The following VMP1 variants were observed in gnomAD, a reference collection of about 807,000 sequenced individuals.
VMP1 encodes the protein vacuole membrane protein 1.
A neutral mutation model predicts 56.0 loss-of-function variants in VMP1; 11 were observed. The ratio of observed to expected loss-of-function variants is 0.20; its 90% CI spans 0.12 to 0.32. The LOEUF is 0.32. Ranked by LOEUF, VMP1 falls within the 10% of genes least tolerant of loss-of-function variation. The pLI is 1.00. For synonymous variants in VMP1, 149 were observed against 165.0 expected, an observed-to-expected ratio of 0.90 and a Z score of 0.74; for missense variants, 296 against 490.3, an observed-to-expected ratio of 0.60 and a Z score of 3.74.
intron 10 of VMP1, among the ~76,000 whole-genome samples, chr17:59,823,466 C>T (rs542548718): frequency 2.8e-5 from 4 of 140,914 alleles, no homozygotes; most frequent in South Asian, 2.3e-4. Context: ...AAAAAAAAAT[C>T]GGGCCGGGGG....
In VMP1 at chr17:59,808,776, C is replaced by G. The variant is rs1568186737; in HGVS notation, c.715-20C>G. 1 of 1,604,116 alleles carries G rather than the reference C, an allele frequency of 6.2e-7. No individual in the cohort carries two copies. The highest frequency in any genetic ancestry group is 1.1e-5 in the South Asian group (1 of 90,458). ...CTTTTCCTACTTCTCATTAATGTTT[C>G]TAAATTTGCCTTTTTACAGGACTTT... On this transcript the variant is annotated intron_variant, in intron 7 of 11. Transcript: ENST00000262291.
chr17:59,720,943 AG>A (rs2034369057), intron 1 of VMP1, among the ~76,000 whole-genome samples: 1 of 152,154 alleles, frequency 6.6e-6, no homozygotes, highest in African/African-American at 2.4e-5. Flanking sequence ...ATTGCACTCA[AG>A]CCTGGGCAAC....
intron 9 of VMP1, among the ~76,000 whole-genome samples, chr17:59,815,681 G>A (rs532276241): frequency 8.4e-5 from 11 of 131,168 alleles, no homozygotes; most frequent in East Asian, 2.3e-4. Context: ...GTGAAACCCC[G>A]TCTCTACTAA....
rs1373201041 is a variant in VMP1 at position 59,840,476 on chromosome 17, C to T, written c.*565C>T. 1.3e-5 allele frequency: 2 copies of T among 152,802 alleles called. No homozygotes were observed. The highest frequency in any genetic ancestry group is 1.3e-4 in the Admixed American group (2 of 15,262). The allele number at this position is 152,802 out of a possible 1,614,324, so 9.5% of individuals were successfully genotyped here. The stretch of plus-strand genomic sequence containing the variant: ...GGAAATTGATCTTTAAATTTTGAGA[C>T]AGTATAAGGAAAATCTGGTTGGTGT... On this transcript the variant is annotated 3_prime_UTR_variant, in exon 12 of 12. Coordinates refer to ENST00000262291, the MANE Select transcript of VMP1 (RefSeq NM_030938.5).
At chr17:59,732,364 TC>T (rs1037586040) in intron 2 of VMP1, among the ~76,000 whole-genome samples, 2 of 152,180 alleles carry the variant, frequency 1.3e-5, no homozygotes, top group Non-Finnish European at 2.9e-5. Flanking sequence ...TGCCTCAGCC[TC>T]CCGAGTAGCT....
chr17:59,732,210 G>A (rs1469433062), intron 2 of VMP1, among the ~76,000 whole-genome samples: 1 of 152,074 alleles, frequency 6.6e-6, no homozygotes, highest in East Asian at 1.9e-4. Flanking sequence ...TTTAGAGGAA[G>A]TGCAAGGAAT....
chr17:59,773,082 C>T (rs976845037), intron 6 of VMP1, among the ~76,000 whole-genome samples: 1 of 150,292 alleles, frequency 6.7e-6, no homozygotes, highest in Non-Finnish European at 1.5e-5. Context: ...CTGCCTCAGC[C>T]TCCAGAGTAT....
Position 59,722,169 on chromosome 17 carries a change from G to C in VMP1, c.-26-9252G>C, listed in dbSNP as rs138193554. Among the ~76,000 whole-genome samples, 706 of 152,164 alleles carry C rather than the reference G, an allele frequency of 4.6e-3. 9 individuals carry two copies. Among genetic ancestry groups the C allele is most frequent in the African/African-American group, 0.016 (680 of 41,498 alleles). On this transcript the variant is annotated intron_variant, in intron 1 of 11. Coordinates refer to ENST00000262291, the MANE Select transcript of VMP1 (RefSeq NM_030938.5). ...GTTAGGACTTCACCATATGAATTTG[G>C]GGGGGCACAATTCAGCCCATTACAA... is the stretch of plus-strand genomic sequence containing the variant.
At chr17:59,824,571 TAAA>T (rs35033232) in intron 10 of VMP1, among the ~76,000 whole-genome samples, 3 of 95,564 alleles carry the variant, frequency 3.1e-5, no homozygotes, top group African/African-American at 4.2e-5. Context: ...AGACTCCTTC[TAAA>T]AAAAAAAAAA....
intron 1 of VMP1, among the ~76,000 whole-genome samples, chr17:59,721,579 T>C (rs1173455332): frequency 2.6e-5 from 4 of 151,826 alleles, no homozygotes; most frequent in Non-Finnish European, 5.9e-5. Flanking sequence ...ATCAGGTTTT[T>C]CTGGATAAAA....
At chr17:59,787,132 C>A (rs541945185) in intron 7 of VMP1, among the ~76,000 whole-genome samples, 3 of 152,228 alleles carry the variant, frequency 2.0e-5, no homozygotes, top group East Asian at 3.9e-4. Context: ...AGTTAGGTGT[C>A]GGTACCAAAG....
At chr17:59,835,981 A>C (rs1005811166) in intron 10 of VMP1, among the ~76,000 whole-genome samples, 1 of 150,534 alleles carries the variant, frequency 6.6e-6, no homozygotes, top group African/African-American at 2.4e-5. Context: ...ATATAAGGAA[A>C]GATTACTAGT....
At chr17:59,822,368 G>A (rs753381400) in intron 10 of VMP1, among the ~76,000 whole-genome samples, 25 of 134,540 alleles carry the variant, frequency 1.9e-4, no homozygotes, top group Admixed American at 4.3e-4. Flanking sequence ...TTGCTGTGTC[G>A]CCCAGGCTGG....
rs573899589 is a variant in VMP1, at chr17:59,789,043, C to A, written c.714+15158C>A. On this transcript the variant is annotated intron_variant, in intron 7 of 11. Transcript: ENST00000262291. Reference sequence around the variant, plus strand: ...CCATGGCTCATGCCTGTAATCCTAGCGCTCTGGGAGGCCGAGGAGGGTGGA... The same window carrying A: ...CCATGGCTCATGCCTGTAATCCTAGAGCTCTGGGAGGCCGAGGAGGGTGGA... 2.1e-4 allele frequency among the ~76,000 whole-genome samples: 32 copies of A among 151,028 alleles called. 1 individual carries two copies. In the South Asian group the frequency reaches 6.7e-3, roughly 31 times the overall value.
At chr17:59,716,529 A>G (rs926338256) in intron 1 of VMP1, among the ~76,000 whole-genome samples, 1 of 152,142 alleles carries the variant, frequency 6.6e-6, no homozygotes, top group African/African-American at 2.4e-5. Context: ...TGTTTTGTAT[A>G]GTAGAAGAAC....
At chr17:59,716,338 G>T (rs1339577076) in intron 1 of VMP1, among the ~76,000 whole-genome samples, 1 of 152,158 alleles carries the variant, frequency 6.6e-6, no homozygotes, top group Admixed American at 6.6e-5. Context: ...TAGATACTAC[G>T]TGAGTTTCGT....
intron 7 of VMP1, among the ~76,000 whole-genome samples, chr17:59,777,686 C>T (rs908578382): frequency 3.1e-4 from 47 of 152,130 alleles, no homozygotes; most frequent in African/African-American, 1.0e-3. Flanking sequence ...TGGTCGTATG[C>T]GCCTGTAGTC....
intron 10 of VMP1, among the ~76,000 whole-genome samples, chr17:59,821,630 G>A (rs541441754): frequency 4.2e-5 from 6 of 143,152 alleles, no homozygotes; most frequent in East Asian, 2.1e-4. Flanking sequence ...TCGACTCACC[G>A]AAACCTCCGC....
At chr17:59,789,414 A>G (rs529626655) in intron 7 of VMP1, among the ~76,000 whole-genome samples, 2 of 152,138 alleles carry the variant, frequency 1.3e-5, no homozygotes, top group East Asian at 3.9e-4. Flanking sequence ...TCGCACCTGT[A>G]GTCCCAATTA....
Sources: gnomAD v4.1 joint callset for allele counts (sites outside exome capture counted in the v4.1 genomes callset) on GRCh38, gnomAD v4.1.1 for gene constraint, MANE v1.5 for transcripts, NCBI Gene and HGNC (gene_info 2026-07-23, HGNC 2026-07-21) for gene names.